ERI1: variants seen among roughly 807,000 people sequenced by gnomAD.
ERI1 encodes 3'-5' exoribonuclease 1.
A neutral mutation model predicts 39.7 loss-of-function variants in ERI1; 39 were observed. That is an observed-to-expected ratio of 0.98 (90% CI 0.76 to 1.28). The LOEUF is 1.28. Ranked by LOEUF, ERI1 falls within the 50% of genes most tolerant of loss-of-function variation. The pLI, the probability that ERI1 is intolerant of heterozygous loss-of-function variation, is 0.00. For missense variants in ERI1, 581 were observed against 416.9 expected, an observed-to-expected ratio of 1.39 and a Z score of -3.43; for synonymous variants, 204 against 149.6, an observed-to-expected ratio of 1.36 and a Z score of -2.65.
intron 3 of ERI1, among the ~76,000 whole-genome samples, chr8:9,068,992 A>AT (rs927356193): frequency 1.1e-4 from 17 of 151,732 alleles, no homozygotes; most frequent in Non-Finnish European, 2.2e-4. Flanking sequence ...TAATCTTTTT[A>AT]TTTTTTATAG....
chr8:9,050,270 G>C (rs1304540876), intron 3 of ERI1, among the ~76,000 whole-genome samples: 1 of 152,154 alleles, frequency 6.6e-6, no homozygotes, highest in Non-Finnish European at 1.5e-5. Flanking sequence ...CACTTTGGGA[G>C]GCAGGGGCTG....
chr8:9,070,332 G>T (rs569778244), intron 3 of ERI1, among the ~76,000 whole-genome samples: 1 of 152,100 alleles, frequency 6.6e-6, no homozygotes, highest in East Asian at 1.9e-4. Flanking sequence ...AAATGGAGTA[G>T]TCTAAAGAAG....
chr8:9,057,279 G>T (rs1257550325), intron 3 of ERI1, among the ~76,000 whole-genome samples: 2 of 152,160 alleles, frequency 1.3e-5, no homozygotes, highest in Non-Finnish European at 2.9e-5. Context: ...CAAAGTTCTG[G>T]GATGACTGAC....
chr8:9,083,983 C>T (rs977391116), intron 3 of ERI1, among the ~76,000 whole-genome samples: 3 of 152,192 alleles, frequency 2.0e-5, no homozygotes, highest in East Asian at 1.9e-4. Flanking sequence ...TTAGTAGAGA[C>T]GGGGTTTCAC....
intron 2 of ERI1, among the ~76,000 whole-genome samples, chr8:9,011,261 A>C (rs1454275635): frequency 6.6e-6 from 1 of 152,160 alleles, no homozygotes; most frequent in South Asian, 2.1e-4. Context: ...GACAGTGTTT[A>C]TGGTTTGAAG....
chr8:9,078,591 T>C (rs17155176), intron 3 of ERI1, among the ~76,000 whole-genome samples: 27,153 of 152,126 alleles, frequency 0.18, 2,690 homozygotes, highest in Non-Finnish European at 0.23. Flanking sequence ...TCTGAAGTGC[T>C]ACCCAGATCA....
chr8:9,084,959 C>A (rs376104267), intron 3 of ERI1, among the ~76,000 whole-genome samples: 1 of 152,120 alleles, frequency 6.6e-6, no homozygotes, highest in Admixed American at 6.5e-5. Context: ...GCAGTCGTTT[C>A]CAAAATGTAA....
chr8:9,028,973 GT>G (rs34569795), intron 6 of ERI1, among the ~76,000 whole-genome samples: 11,065 of 113,070 alleles, frequency 0.098, 1,402 homozygotes, highest in African/African-American at 0.31. Context: ...GAGTGTGAGA[GT>G]TTTTTTTTTT....
rs1324941680 is a variant in ERI1, at chr8:9,083,864, G to A, written n.300-32484G>A. On this transcript the variant is annotated intron_variant and non_coding_transcript_variant, in intron 3 of 3. Transcript: ENST00000518663. ...GCTGGAGTGCAGTGGTGTGATCTTG[G>A]CTCACTGCAAACTCCGCCTCCTGGG... 3.9e-5 allele frequency among the ~76,000 whole-genome samples: 6 copies of A among 152,100 alleles called. No homozygotes were observed. In the South Asian group the frequency reaches 1.2e-3, roughly 32 times the overall value.
intron 3 of ERI1, among the ~76,000 whole-genome samples, chr8:9,060,383 G>A (rs1031956964): frequency 6.6e-6 from 1 of 151,968 alleles, no homozygotes; most frequent in African/African-American, 2.4e-5. Context: ...GTTGAGTAAA[G>A]CCAATTTGCC....
chr8:9,051,910 C>A (rs1487860009), intron 3 of ERI1, among the ~76,000 whole-genome samples: 1 of 152,186 alleles, frequency 6.6e-6, no homozygotes, highest in Non-Finnish European at 1.5e-5. Flanking sequence ...CGTTTTGTAG[C>A]CATCCTTAGA....
chr8:9,056,795 T>G (rs1798522970), intron 3 of ERI1, among the ~76,000 whole-genome samples: 1 of 152,210 alleles, frequency 6.6e-6, no homozygotes, highest in Non-Finnish European at 1.5e-5. Context: ...ACCCGTCAAT[T>G]TTGACTATCC....
chr8:9,020,322 C>G (rs1218843893), intron 5 of ERI1, 28 bp from the exon 6 acceptor site: 1 of 1,292,860 alleles, frequency 7.7e-7, no homozygotes, highest in Admixed American at 2.3e-5. Flanking sequence ...TTTATTTCAT[C>G]AATTTTTTGT....
downstream of ERI1, among the ~76,000 whole-genome samples, chr8:9,036,706 T>G (rs1797855916): frequency 6.6e-6 from 1 of 152,102 alleles, no homozygotes; most frequent in African/African-American, 2.4e-5. Flanking sequence ...TTTTTTCTAT[T>G]GAGTAAAAGA....
intron 3 of ERI1, among the ~76,000 whole-genome samples, chr8:9,076,555 G>T (rs528872496): frequency 2.0e-5 from 3 of 152,238 alleles, no homozygotes; most frequent in Non-Finnish European, 4.4e-5. Flanking sequence ...GTAAGGAAAA[G>T]AGGTGGGTGG....
At chr8:9,029,670 C>T (rs1797446052) in intron 6 of ERI1, 122 bp from the exon 7 acceptor site, 1 of 1,219,724 alleles carries the variant, frequency 8.2e-7, no homozygotes, top group Non-Finnish European at 1.1e-6. Flanking sequence ...GGGTATTGCC[C>T]TTTGCCTAGC....
chr8:9,052,789 C>T (rs754727643), intron 3 of ERI1, among the ~76,000 whole-genome samples: 2 of 152,140 alleles, frequency 1.3e-5, no homozygotes, highest in African/African-American at 4.8e-5. Context: ...GTTCGAATGT[C>T]TGTTGTTATA....
chr8:9,009,149 AC>A, intron 2 of ERI1: 1 of 451,792 alleles, frequency 2.2e-6, no homozygotes. Flanking sequence ...GTATGTTTAT[AC>A]GTTTATTCAA....
chr8:9,022,361 AT>A (rs2117260350), intron 6 of ERI1, among the ~76,000 whole-genome samples: 1 of 152,000 alleles, frequency 6.6e-6, no homozygotes, highest in South Asian at 2.1e-4. Flanking sequence ...TAGTCCTTTG[AT>A]TATATTTGAT....
Sources: gnomAD v4.1 joint callset for allele counts (sites outside exome capture counted in the v4.1 genomes callset) on GRCh38, gnomAD v4.1.1 for gene constraint, MANE v1.5 for transcripts, NCBI Gene and HGNC (gene_info 2026-07-23, HGNC 2026-07-21) for gene names.